RFX3: variants seen among roughly 807,000 people sequenced by gnomAD.
The protein encoded by RFX3 is regulatory factor X3.
RFX3 carries 14 observed loss-of-function variants against 98.6 expected under a neutral mutation model. That is an observed-to-expected ratio of 0.14 (90% CI 0.09 to 0.22). The LOEUF (loss-of-function observed/expected upper bound fraction) is 0.22, where lower values mean the gene tolerates loss of function less well. RFX3 is among the 10% of genes least tolerant of loss of function. RFX3 has a pLI of 1.00. For missense variants in RFX3, 639 were observed against 926.9 expected (o/e 0.69, Z 4.03); for synonymous variants, 383 against 328.4 (o/e 1.17, Z -1.80).
At chr9:3,243,705 T>C (rs1820257003) in intron 15 of RFX3, among the ~76,000 whole-genome samples, 1 of 152,170 alleles carries the variant, frequency 6.6e-6, no homozygotes. Context: ...AAAAGGAAAG[T>C]CTTTTTGCTT....
intron 1 of RFX3, among the ~76,000 whole-genome samples, chr9:3,426,006 A>G (rs1439519151): frequency 6.6e-6 from 1 of 152,196 alleles, no homozygotes; most frequent in Non-Finnish European, 1.5e-5. Context: ...ATTTATTAAA[A>G]CAAACCAAAA....
At chr9:3,248,671 C>G (rs563314203) in intron 14 of RFX3, among the ~76,000 whole-genome samples, 6 of 152,172 alleles carry the variant, frequency 3.9e-5, no homozygotes, top group Non-Finnish European at 8.8e-5. Flanking sequence ...AGCAATGTTC[C>G]CAGATGTGGC....
intron 3 of RFX3, among the ~76,000 whole-genome samples, chr9:3,335,490 C>G (rs1465799307): frequency 6.6e-6 from 1 of 152,022 alleles, no homozygotes; most frequent in Admixed American, 6.5e-5. Context: ...AACATATGTT[C>G]AAGAAAACGA....
At chr9:3,402,384 T>C (rs1422227701) in intron 1 of RFX3, among the ~76,000 whole-genome samples, 1 of 152,128 alleles carries the variant, frequency 6.6e-6, no homozygotes, top group African/African-American at 2.4e-5. Flanking sequence ...ATCCTTAGCA[T>C]AGAAAGACAA....
At chr9:3,405,171 C>T (rs1030916934) in intron 1 of RFX3, among the ~76,000 whole-genome samples, 3 of 151,992 alleles carry the variant, frequency 2.0e-5, no homozygotes, top group Non-Finnish European at 4.4e-5. Context: ...TTTCTGTTTG[C>T]CTCAGAAGTT....
At chr9:3,304,668 T>C (rs930033365) in intron 4 of RFX3, among the ~76,000 whole-genome samples, 5 of 152,040 alleles carry the variant, frequency 3.3e-5, no homozygotes, top group African/African-American at 1.2e-4. Flanking sequence ...TTTCCCCTTT[T>C]GCTTGGCTCT....
chr9:3,379,403 T>C (rs1838924690), intron 2 of RFX3, among the ~76,000 whole-genome samples: 1 of 152,180 alleles, frequency 6.6e-6, no homozygotes, highest in Non-Finnish European at 1.5e-5. Flanking sequence ...GACCAACTAG[T>C]ACAATGAAGT....
At chr9:3,457,150 A>G (rs1847259984) in intron 1 of RFX3, among the ~76,000 whole-genome samples, 3 of 131,030 alleles carry the variant, frequency 2.3e-5, no homozygotes, top group East Asian at 5.0e-4. Context: ...AAAAAAAAAA[A>G]AAAAAAAAAA....
At chr9:3,317,748 C>T (rs573237635) in intron 4 of RFX3, among the ~76,000 whole-genome samples, 1,536 of 152,298 alleles carry the variant, frequency 0.01, 36 homozygotes, top group African/African-American at 0.035. Flanking sequence ...GACATTTATG[C>T]AGCCAATAGA....
chr9:3,520,573 T>C (rs1226336036), intron 1 of RFX3, among the ~76,000 whole-genome samples: 1 of 152,228 alleles, frequency 6.6e-6, no homozygotes, highest in Non-Finnish European at 1.5e-5. Context: ...TAAAAGTATA[T>C]GGCACACAGT....
At chr9:3,342,659 T>C (rs1242870189) in intron 3 of RFX3, among the ~76,000 whole-genome samples, 1 of 151,910 alleles carries the variant, frequency 6.6e-6, no homozygotes, top group Non-Finnish European at 1.5e-5. Flanking sequence ...AAGAAAAAAA[T>C]CATTTTATTT....
At chr9:3,229,348 TA>T (rs1281554844) in intron 15 of RFX3, among the ~76,000 whole-genome samples, 1 of 152,210 alleles carries the variant, frequency 6.6e-6, no homozygotes, top group Non-Finnish European at 1.5e-5. Context: ...ACTCTATTTT[TA>T]AAGCTTTTAT....
At chr9:3,475,328 G>A (rs920041548) in intron 1 of RFX3, among the ~76,000 whole-genome samples, 1 of 151,610 alleles carries the variant, frequency 6.6e-6, no homozygotes, top group Non-Finnish European at 1.5e-5. Context: ...TGGGCCCGGG[G>A]GACCGCAACC....
chr9:3,455,699 T>A (rs974916625), intron 1 of RFX3, among the ~76,000 whole-genome samples: 1 of 152,232 alleles, frequency 6.6e-6, no homozygotes, highest in African/African-American at 2.4e-5. Flanking sequence ...ATTATTCTAA[T>A]AATTTCTCTA....
intron 4 of RFX3, among the ~76,000 whole-genome samples, chr9:3,303,518 T>A (rs1828910676): frequency 6.6e-6 from 1 of 151,946 alleles, no homozygotes; most frequent in African/African-American, 2.4e-5. Context: ...TAACTTTTGA[T>A]ATTATAATTT....
At chr9:3,514,947 C>G (rs928505069) in intron 1 of RFX3, among the ~76,000 whole-genome samples, 15 of 152,120 alleles carry the variant, frequency 9.9e-5, no homozygotes. Flanking sequence ...ATTAATGACC[C>G]TTAAACTGAC....
rs116468804 is a variant in RFX3, at chr9:3,232,249, G to T, written c.1969-3360C>A. 2.3e-3 allele frequency among the ~76,000 whole-genome samples: 343 copies of T among 152,292 alleles called. 1 individual carries two copies. The highest frequency in any genetic ancestry group is 7.8e-3 in the African/African-American group (325 of 41,572). The stretch of plus-strand genomic sequence containing the variant: ...TTAGAGGGGGCTACTCTTCACTGAC[G>T]TGACATCTTACCACTTATAAGGTGT... On this transcript the variant is annotated intron_variant, in intron 15 of 16. Transcript: ENST00000617270.
intron 1 of RFX3, among the ~76,000 whole-genome samples, chr9:3,418,404 G>C (rs905287939): frequency 6.6e-6 from 1 of 151,730 alleles, no homozygotes; most frequent in African/African-American, 2.4e-5. Flanking sequence ...TTTGGAGATG[G>C]AGTCTTGCTC....
chr9:3,524,569 A>AC, intron 1 of RFX3: 1 of 959,358 alleles, frequency 1.0e-6, no homozygotes, highest in Non-Finnish European at 1.2e-6. Context: ...AAAAAAAAAA[A>AC]CTCTTAAAGT....
Sources: gnomAD v4.1 joint callset for allele counts (sites outside exome capture counted in the v4.1 genomes callset) on GRCh38, gnomAD v4.1.1 for gene constraint, MANE v1.5 for transcripts, NCBI Gene and HGNC (gene_info 2026-07-23, HGNC 2026-07-21) for gene names.